NT5DC3: variants seen among roughly 807,000 people sequenced by gnomAD.
NT5DC3 encodes the protein 5'-nucleotidase domain-containing protein 3.
In NT5DC3, 42 loss-of-function variants were observed where a neutral mutation model predicts 67.8. The ratio of observed to expected loss-of-function variants is 0.62; its 90% CI spans 0.48 to 0.80. The LOEUF is 0.80. Ranked by LOEUF, NT5DC3 falls within the 30% of genes least tolerant of loss-of-function variation. The probability of loss-of-function intolerance (pLI) is 0.00; values close to 1 mark genes in which losing one functional copy is unlikely to be tolerated. For missense variants in NT5DC3, 570 were observed against 696.4 expected (o/e 0.82, Z 2.04); for synonymous variants, 237 against 255.6 (o/e 0.93, Z 0.69).
intron 12 of NT5DC3, among the ~76,000 whole-genome samples, chr12:103,783,078 A>C (rs1392617760): frequency 6.6e-6 from 1 of 152,236 alleles, no homozygotes; most frequent in African/African-American, 2.4e-5. Context: ...TCTCCTCAGA[A>C]AACTGTCCAA....
chr12:103,812,410 T>C (rs1189592492), intron 2 of NT5DC3, among the ~76,000 whole-genome samples: 1 of 152,206 alleles, frequency 6.6e-6, no homozygotes, highest in Non-Finnish European at 1.5e-5. Flanking sequence ...ACTATAGTTT[T>C]ATCAAAGCAA....
chr12:103,770,979 C>T (rs1006515677), downstream of NT5DC3: 1 of 152,338 alleles, frequency 6.6e-6, no homozygotes, highest in African/African-American at 2.4e-5. Flanking sequence ...AACCAGGAAA[C>T]AGGCCTCACC....
chr12:103,832,505 A>C (rs1593442198), intron 1 of NT5DC3, among the ~76,000 whole-genome samples: 1 of 145,170 alleles, frequency 6.9e-6, no homozygotes, highest in South Asian at 2.2e-4. Context: ...CAAAAAAATT[A>C]TTTAATCTCC....
At chr12:103,783,324 G>T (rs1013658644) in intron 12 of NT5DC3, among the ~76,000 whole-genome samples, 1 of 152,142 alleles carries the variant, frequency 6.6e-6, no homozygotes, top group Admixed American at 6.5e-5. Flanking sequence ...AATCAATATA[G>T]GTGCACAGAG....
At chr12:103,795,260 A>C (rs1886261441) in intron 6 of NT5DC3, among the ~76,000 whole-genome samples, 1 of 152,198 alleles carries the variant, frequency 6.6e-6, no homozygotes, top group African/African-American at 2.4e-5. Context: ...GTAAAATGGT[A>C]AGAATAGTGC....
chr12:103,750,429 A>G, the NT5DC3 span: 6 of 901,398 alleles, frequency 6.7e-6, no homozygotes, highest in African/African-American at 1.0e-4. Context: ...TAAAAGCAGG[A>G]CGTAGCAGTT....
chr12:103,826,598 C>T (rs935411405), intron 1 of NT5DC3, among the ~76,000 whole-genome samples: 1 of 152,236 alleles, frequency 6.6e-6, no homozygotes, highest in Non-Finnish European at 1.5e-5. Flanking sequence ...TCCTGCAACA[C>T]CTTGATTTTA....
chr12:103,757,330 C>G, the NT5DC3 span, among the ~76,000 whole-genome samples: 11 of 152,138 alleles, frequency 7.2e-5, no homozygotes, highest in African/African-American at 2.4e-4. Context: ...TCAAGCTGCT[C>G]TCTCACCTCA....
At chr12:103,819,023 G>A (rs770262689) in intron 1 of NT5DC3, among the ~76,000 whole-genome samples, 3 of 152,194 alleles carry the variant, frequency 2.0e-5, no homozygotes, top group Non-Finnish European at 1.5e-5. Flanking sequence ...AATGGTGTTG[G>A]CAAGAAAGTC....
intron 4 of NT5DC3, among the ~76,000 whole-genome samples, chr12:103,805,270 C>T (rs1374001760): frequency 6.6e-6 from 1 of 152,072 alleles, no homozygotes; most frequent in Admixed American, 6.5e-5. Context: ...GAGCACATTA[C>T]TTAAAAAATC....
At chr12:103,820,834 T>C (rs1887460932) in intron 1 of NT5DC3, 1 of 152,252 alleles carries the variant, frequency 6.6e-6, no homozygotes. Context: ...GTGCGAAGGA[T>C]GGATCTGACA....
the NT5DC3 span, chr12:103,753,188 G>A: frequency 6.2e-7 from 1 of 1,611,804 alleles, no homozygotes; most frequent in East Asian, 2.2e-5. Context: ...CTGGTGGGCT[G>A]ACCTGGGCGA....
chr12:103,838,633 TACA>T (rs1167959967), intron 1 of NT5DC3, among the ~76,000 whole-genome samples: 2 of 152,210 alleles, frequency 1.3e-5, no homozygotes, highest in African/African-American at 2.4e-5. Context: ...CACAAATGTC[TACA>T]ACATCTTTAT....
the NT5DC3 span, chr12:103,755,070 G>T: frequency 1.9e-6 from 1 of 535,808 alleles, no homozygotes; most frequent in Non-Finnish European, 3.3e-6. Context: ...AGAGAAATGA[G>T]TATGAAAGAC....
chr12:103,816,967 CTT>C (rs376622215), intron 1 of NT5DC3, among the ~76,000 whole-genome samples: 39 of 118,848 alleles, frequency 3.3e-4, no homozygotes, highest in Non-Finnish European at 4.8e-4. Flanking sequence ...TTTCTTTTTT[CTT>C]TTTTTTTTTT....
chr12:103,832,726 C>T (rs1887985328), intron 1 of NT5DC3, among the ~76,000 whole-genome samples: 1 of 152,106 alleles, frequency 6.6e-6, no homozygotes, highest in Non-Finnish European at 1.5e-5. Flanking sequence ...AAATTTAAAT[C>T]TAAAAAACAG....
At chr12:103,755,068 G>T in the NT5DC3 span, 1 of 522,808 alleles carries the variant, frequency 1.9e-6, no homozygotes, top group African/African-American at 1.9e-5. Flanking sequence ...GAAGAGAAAT[G>T]AGTATGAAAG....
chr12:103,786,467 T>C (rs1593387530), intron 11 of NT5DC3, among the ~76,000 whole-genome samples: 1 of 152,160 alleles, frequency 6.6e-6, no homozygotes, highest in East Asian at 1.9e-4. Flanking sequence ...AGAGGATGTC[T>C]TCAGAGGTGG....
chr12:103,755,798 G>A, the NT5DC3 span: 2 of 1,339,936 alleles, frequency 1.5e-6, no homozygotes, highest in Non-Finnish European at 2.1e-6. Flanking sequence ...GAGGCCTTAA[G>A]CTGAAGGCCA....
Sources: gnomAD v4.1 joint callset for allele counts (sites outside exome capture counted in the v4.1 genomes callset) on GRCh38, gnomAD v4.1.1 for gene constraint, MANE v1.5 for transcripts, NCBI Gene and HGNC (gene_info 2026-07-23, HGNC 2026-07-21) for gene names.